Variants in PHACTR1 observed in about 807,000 individuals in gnomAD.
PHACTR1 encodes phosphatase and actin regulator 1, also known as RPEL repeat containing 1.
A neutral mutation model predicts 69.2 loss-of-function variants in PHACTR1; 16 were observed. That is an observed-to-expected ratio of 0.23 (90% confidence interval 0.16 to 0.35). The LOEUF is 0.35. PHACTR1 is among the 10% of genes least tolerant of loss of function. The pLI, the probability that PHACTR1 is intolerant of heterozygous loss-of-function variation, is 1.00. For synonymous variants in PHACTR1, 312 were observed against 284.5 expected (o/e 1.10, Z -0.97); for missense variants, 510 against 734.7 (o/e 0.69, Z 3.54).
chr6:12,980,050 A>G (rs1382163550), intron 4 of PHACTR1, among the ~76,000 whole-genome samples: 1 of 152,204 alleles, frequency 6.6e-6, no homozygotes, highest in Non-Finnish European at 1.5e-5. Context: ...GAAATGTTCA[A>G]TCTACTGATG....
intron 4 of PHACTR1, among the ~76,000 whole-genome samples, chr6:13,017,184 T>TC (rs1800303752): frequency 3.3e-5 from 1 of 29,906 alleles, no homozygotes. Context: ...AGACTCTGTC[T>TC]CAAAAAAAAA....
intron 8 of PHACTR1, among the ~76,000 whole-genome samples, chr6:13,209,416 C>T (rs1474075488): frequency 6.6e-6 from 1 of 152,220 alleles, no homozygotes; most frequent in Non-Finnish European, 1.5e-5. Flanking sequence ...AGAGGCATTA[C>T]CAAACACTCA....
At chr6:13,199,802 A>G (rs1764963134) in intron 7 of PHACTR1, among the ~76,000 whole-genome samples, 1 of 152,236 alleles carries the variant, frequency 6.6e-6, no homozygotes, top group African/African-American at 2.4e-5. Context: ...ATTCACCCAC[A>G]AGGATATAAG....
chr6:13,210,001 CT>C (rs147762361), intron 8 of PHACTR1, among the ~76,000 whole-genome samples: 2,278 of 152,070 alleles, frequency 0.015, 54 homozygotes, highest in African/African-American at 0.052. Context: ...GGAGAAGTTA[CT>C]TTTTATTTAT....
At chr6:12,959,176 C>CAAAAAAAAAAAAAAAAAGAAAAA (rs1792307830) in intron 4 of PHACTR1, among the ~76,000 whole-genome samples, 1 of 46,258 alleles carries the variant, frequency 2.2e-5, no homozygotes, top group African/African-American at 9.4e-5. Context: ...GACTTTATCT[C>CAAAAAAAAAAAAAAAAAGAAAAA]AAAAAAAAAA....
At chr6:13,102,925 G>C (rs764323148) in intron 5 of PHACTR1, among the ~76,000 whole-genome samples, 7 of 152,152 alleles carry the variant, frequency 4.6e-5, no homozygotes, top group Non-Finnish European at 7.4e-5. Context: ...CTTGGTCCAA[G>C]AAGCCAGCTT....
At chr6:13,000,607 G>GGGAAGGGAGGAA (rs1797961129) in intron 4 of PHACTR1, among the ~76,000 whole-genome samples, 1 of 71,514 alleles carries the variant, frequency 1.4e-5, no homozygotes, top group African/African-American at 1.2e-4. Flanking sequence ...GAGGGAAGGA[G>GGGAAGGGAGGAA]GGAAGGGAGG....
At chr6:12,804,335 T>C (rs1423669772) in intron 4 of PHACTR1, among the ~76,000 whole-genome samples, 1 of 152,160 alleles carries the variant, frequency 6.6e-6, no homozygotes, top group East Asian at 1.9e-4. Context: ...TTTTGTCCCA[T>C]AAATTTTTCT....
chr6:12,916,473 C>A (rs1787013406), intron 4 of PHACTR1, among the ~76,000 whole-genome samples: 1 of 151,200 alleles, frequency 6.6e-6, no homozygotes, highest in Non-Finnish European at 1.5e-5. Context: ...TCTTAAGATA[C>A]AATATTTTAA....
At chr6:12,830,983 C>T (rs1406687633) in intron 4 of PHACTR1, among the ~76,000 whole-genome samples, 7 of 152,040 alleles carry the variant, frequency 4.6e-5, no homozygotes, top group Non-Finnish European at 7.4e-5. Flanking sequence ...TGCGTAGTGG[C>T]GAAGTCTTGG....
chr6:13,215,483 T>G (rs765798780), intron 8 of PHACTR1, among the ~76,000 whole-genome samples: 2 of 152,200 alleles, frequency 1.3e-5, no homozygotes, highest in African/African-American at 4.8e-5. Flanking sequence ...TGTCTCCAGA[T>G]AGAGAATGAG....
At chr6:13,071,118 T>C (rs565939849) in intron 5 of PHACTR1, among the ~76,000 whole-genome samples, 1 of 152,282 alleles carries the variant, frequency 6.6e-6, no homozygotes, top group South Asian at 2.1e-4. Flanking sequence ...AGAATATTAA[T>C]GTCATCGCAT....
chr6:12,944,805 C>A (rs1411306477), intron 4 of PHACTR1, among the ~76,000 whole-genome samples: 1 of 134,762 alleles, frequency 7.4e-6, no homozygotes, highest in Admixed American at 7.3e-5. Flanking sequence ...TTTTTTGAGA[C>A]GGAGTCTGGC....
intron 4 of PHACTR1, among the ~76,000 whole-genome samples, chr6:12,761,400 C>T (rs529085315): frequency 6.6e-6 from 1 of 152,312 alleles, no homozygotes; most frequent in African/African-American, 2.4e-5. Flanking sequence ...TAAGCCATTT[C>T]CATGCTTCCA....
intron 4 of PHACTR1, among the ~76,000 whole-genome samples, chr6:12,924,308 G>T (rs955008846): frequency 6.6e-5 from 10 of 152,066 alleles, no homozygotes; most frequent in Admixed American, 5.2e-4. Context: ...TTATATTTAG[G>T]TTATTTAAAG....
chr6:13,202,542 A>G (rs1169859930), intron 7 of PHACTR1, among the ~76,000 whole-genome samples: 3 of 150,572 alleles, frequency 2.0e-5, no homozygotes, highest in Non-Finnish European at 2.9e-5. Context: ...CAATGGTGCA[A>G]TCTCAGCTCA....
intron 5 of PHACTR1, among the ~76,000 whole-genome samples, chr6:13,105,617 A>G (rs537450036): frequency 6.6e-6 from 1 of 152,254 alleles, no homozygotes; most frequent in Admixed American, 6.5e-5. Flanking sequence ...CATGCCGGCC[A>G]CAAGTGGTCC....
Position 13,179,689 on chromosome 6 carries a change from G to A in PHACTR1, c.497-2830G>A, listed in dbSNP as rs947705909. Reference sequence around the variant, plus strand: ...AGATAGGTAGGTAGGTAGGTAGATAGATAAGTAGATAGAGATAGATAGATA... The same window carrying A: ...AGATAGGTAGGTAGGTAGGTAGATAAATAAGTAGATAGAGATAGATAGATA... On this transcript the variant is annotated intron_variant, in intron 6 of 14. Transcript: ENST00000332995. The surrounding 1 kb of genome is among the most constrained non-coding windows in gnomAD (Gnocchi z 4.2). Among the ~76,000 whole-genome samples, 1 of 139,558 alleles carries A rather than the reference G, an allele frequency of 7.2e-6. No homozygotes were observed. The highest frequency in any genetic ancestry group is 1.6e-5 in the Non-Finnish European group (1 of 64,148). 91.6% of individuals were successfully genotyped at this position (139,558 alleles called of 152,430 possible). A position where few individuals can be genotyped will look rare whatever the true frequency, so the allele number is the denominator to read the frequency against.
At chr6:13,168,640 G>A (rs9473576) in intron 6 of PHACTR1, among the ~76,000 whole-genome samples, 9,204 of 152,164 alleles carry the variant, frequency 0.06, 752 homozygotes, top group African/African-American at 0.18. Context: ...AGCATCACCC[G>A]CCGAGGCCTG....
Sources: allele counts gnomAD v4.1 joint callset (sites outside exome capture counted in the v4.1 genomes callset), GRCh38; gene constraint gnomAD v4.1.1; non-coding constraint Gnocchi (gnomAD v3.1); transcripts MANE v1.5; gene names NCBI Gene and HGNC (gene_info 2026-07-23, HGNC 2026-07-21).